The following ITSN1 variants were observed in gnomAD, a reference collection of about 807,000 sequenced individuals.
ITSN1 encodes the protein intersectin 1.
Under a neutral mutation model 239.8 loss-of-function variants are expected in ITSN1, and 58 were observed. The observed-to-expected ratio is 0.24, with a 90% CI of 0.20 to 0.30. The LOEUF (loss-of-function observed/expected upper bound fraction) is 0.30, where lower values mean the gene tolerates loss of function less well. Among genes scored for constraint, ITSN1 ranks in the 10% least tolerant of loss-of-function variants. ITSN1 has a pLI of 1.00. For synonymous variants in ITSN1, 780 were observed against 770.8 expected (o/e 1.01, Z -0.20); for missense variants, 1,558 against 2,103.3 (o/e 0.74, Z 5.07).
At chr21:33,866,556 G>T (rs1358066193) in intron 32 of ITSN1, among the ~76,000 whole-genome samples, 1 of 151,990 alleles carries the variant, frequency 6.6e-6, no homozygotes, top group East Asian at 1.9e-4. Flanking sequence ...GTTGCCAGCT[G>T]CGAGGTGTTC....
chr21:33,784,290 G>A (rs1345601851), intron 16 of ITSN1, among the ~76,000 whole-genome samples: 2 of 139,254 alleles, frequency 1.4e-5, no homozygotes, highest in African/African-American at 2.7e-5. Context: ...GGGCAAAAGG[G>A]TGAAGCCCTG....
At chr21:33,862,975 AAT>A (rs1238100513) in intron 31 of ITSN1, among the ~76,000 whole-genome samples, 2 of 152,174 alleles carry the variant, frequency 1.3e-5, no homozygotes, top group Non-Finnish European at 2.9e-5. Context: ...TTAGCCAGTT[AAT>A]TGCCTTTTGC....
At chr21:33,673,985 A>G (rs753211255) in intron 1 of ITSN1, among the ~76,000 whole-genome samples, 3 of 152,184 alleles carry the variant, frequency 2.0e-5, no homozygotes, top group Non-Finnish European at 4.4e-5. Context: ...TGATAGTTGT[A>G]TTTCTTCTAG....
At chr21:33,832,410 C>T (rs956119350) in intron 27 of ITSN1, among the ~76,000 whole-genome samples, 8 of 152,228 alleles carry the variant, frequency 5.3e-5, no homozygotes, top group Admixed American at 3.9e-4. Context: ...ACCTTGGAGG[C>T]AGCAGCCGTA....
intron 29 of ITSN1, 73 bp from the exon 30 acceptor site, chr21:33,856,663 A>C: frequency 6.2e-7 from 1 of 1,603,324 alleles, no homozygotes; most frequent in Admixed American, 1.7e-5. Flanking sequence ...AGCAGCCACG[A>C]GGATCTTCCG....
chr21:33,823,405 C>T lies in ITSN1; in HGVS notation c.3017-82C>T, dbSNP rs1432154544. On this transcript the variant is annotated intron_variant, in intron 24 of 39. Coordinates refer to ENST00000381318, the MANE Select transcript of ITSN1 (RefSeq NM_003024.3). ...TGGATCTTGTCCTAACTTCCTTATT[C>T]GTAAACTTGCTTTTGCAAAGCTGTC... The T allele has an allele frequency of 5.5e-6, 7 of 1,266,796 alleles. No homozygotes were observed. In the African/African-American group the frequency reaches 7.4e-5, roughly 13 times the overall value. 78.5% of individuals were successfully genotyped at this position (1,266,796 alleles called of 1,614,324 possible).
intron 1 of ITSN1, among the ~76,000 whole-genome samples, chr21:33,682,863 A>G (rs1014467819): frequency 1.3e-5 from 2 of 151,904 alleles, no homozygotes; most frequent in Non-Finnish European, 2.9e-5. Context: ...TTGTCACACT[A>G]GGATCACTTA....
At chr21:33,679,757 G>T (rs1366310392) in intron 1 of ITSN1, among the ~76,000 whole-genome samples, 1 of 124,460 alleles carries the variant, frequency 8.0e-6, no homozygotes, top group East Asian at 2.5e-4. Flanking sequence ...AGGCTGGAGT[G>T]CAGTGGCAGA....
At chr21:33,742,906 G>A (rs925414178) in intron 5 of ITSN1, among the ~76,000 whole-genome samples, 1 of 152,044 alleles carries the variant, frequency 6.6e-6, no homozygotes, top group Admixed American at 6.5e-5. Context: ...TTAGGAAAAA[G>A]GAGAATAAAG....
At chr21:33,701,727 G>A (rs1216064105) in intron 1 of ITSN1, among the ~76,000 whole-genome samples, 8 of 151,740 alleles carry the variant, frequency 5.3e-5, no homozygotes, top group Non-Finnish European at 8.8e-5. Flanking sequence ...CCCAGGAGGC[G>A]GAGGCTGCAG....
chr21:33,868,502 C>T (rs1224678863), intron 33 of ITSN1, among the ~76,000 whole-genome samples: 1 of 152,214 alleles, frequency 6.6e-6, no homozygotes, highest in Non-Finnish European at 1.5e-5. Flanking sequence ...TCGAGCGCAG[C>T]GCCGGTGGGC....
rs768003643 is a variant in ITSN1, at chr21:33,865,110, A to G, written c.3891-41A>G. 2 of 1,578,808 alleles carry G rather than the reference A, an allele frequency of 1.3e-6. No individual in the cohort carries two copies. Among genetic ancestry groups the G allele is most frequent in the African/African-American group, 2.7e-5 (2 of 74,410 alleles). On this transcript the variant is annotated intron_variant, in intron 31 of 39. Transcript: ENST00000381318. This position sits in a 1 kb window ranked among gnomAD's most constrained non-coding sequence, Gnocchi z 4.4. ...TAAGTGTGCTGTGGTGCTGTCAGAT[A>G]GCGTGAAAGCAGGGGGCTCACCTCC...
Position 33,858,393 on chromosome 21 carries a change from G to T in ITSN1, c.3784-293G>T, listed in dbSNP as rs114595375. On this transcript the variant is annotated intron_variant, in intron 30 of 39. Transcript: ENST00000381318. ...ACCGCTTAGCCTGCGTGCATGACTT[G>T]GTACCGGCCTCCCTGCTTGTCTGGT... is the stretch of plus-strand genomic sequence containing the variant. 2.0e-3 allele frequency among the ~76,000 whole-genome samples: 306 copies of T among 152,320 alleles called. 1 individual carries two copies. The highest frequency in any genetic ancestry group is 7.2e-3 in the African/African-American group (299 of 41,564).
chr21:33,694,920 T>C (rs557614013), intron 1 of ITSN1, among the ~76,000 whole-genome samples: 1 of 152,338 alleles, frequency 6.6e-6, no homozygotes, highest in East Asian at 1.9e-4. Flanking sequence ...GCTCCATCAA[T>C]CCTGCCTGAG....
At chr21:33,850,131 GAGA>G (rs973498882) in intron 29 of ITSN1, among the ~76,000 whole-genome samples, 4 of 152,198 alleles carry the variant, frequency 2.6e-5, no homozygotes, top group African/African-American at 9.7e-5. Flanking sequence ...ATTTATCCCT[GAGA>G]AGAATTTGAT....
rs1986416163 is a variant in ITSN1 at position 33,892,319 on chromosome 21, C to T, written c.*4019C>T. On this transcript the variant is annotated 3_prime_UTR_variant, in exon 40 of 40. Coordinates refer to ENST00000381318, the MANE Select transcript of ITSN1 (RefSeq NM_003024.3). ...TAAGAGGCATTAGGGAAAACTAACA[C>T]CTCCTTCTTTTTGCACCGTGGGGTG... 1.3e-5 allele frequency: 2 copies of T among 152,202 alleles called. No homozygotes were observed. Among genetic ancestry groups the T allele is most frequent in the Admixed American group, 1.3e-4 (2 of 15,278 alleles). 9.4% of individuals were successfully genotyped at this position (152,202 alleles called of 1,614,324 possible).
At chr21:33,649,608 T>C (rs1024977293) in intron 1 of ITSN1, among the ~76,000 whole-genome samples, 2 of 152,182 alleles carry the variant, frequency 1.3e-5, no homozygotes, top group Non-Finnish European at 2.9e-5. Context: ...TTGTGTGGTA[T>C]GGGGTCTGCT....
rs530366213 is a variant in ITSN1 at position 33,719,791 on chromosome 21, G to C, written c.28+935G>C. ...ACATAAGTTTGAAACATATCAGTCT[G>C]CATAAAATGTGTTTTTTGGGTAATT... On this transcript the variant is annotated intron_variant, in intron 2 of 39. Coordinates refer to ENST00000381318, the MANE Select transcript of ITSN1 (RefSeq NM_003024.3). 3.0e-4 allele frequency among the ~76,000 whole-genome samples: 46 copies of C among 152,222 alleles called. No individual in the cohort carries two copies. In the South Asian group the frequency reaches 9.1e-3, roughly 30 times the overall value.
intron 26 of ITSN1, among the ~76,000 whole-genome samples, chr21:33,827,466 T>G (rs1162946702): frequency 6.6e-6 from 1 of 152,102 alleles, no homozygotes; most frequent in Non-Finnish European, 1.5e-5. Flanking sequence ...TGCTGGGAAG[T>G]TATAATACAT....
Sources: allele counts gnomAD v4.1 joint callset (sites outside exome capture counted in the v4.1 genomes callset), GRCh38; gene constraint gnomAD v4.1.1; non-coding constraint Gnocchi (gnomAD v3.1); transcripts MANE v1.5; gene names NCBI Gene and HGNC (gene_info 2026-07-23, HGNC 2026-07-21).